Variants in CDK14 observed in about 807,000 individuals in gnomAD.
CDK14 encodes the protein cyclin-dependent kinase 14.
CDK14 carries 34 observed loss-of-function variants against 60.7 expected under a neutral mutation model. The observed-to-expected ratio is 0.56, with a 90% confidence interval of 0.43 to 0.75. The LOEUF (loss-of-function observed/expected upper bound fraction) is 0.75, where lower values mean the gene tolerates loss of function less well. Ranked by LOEUF, CDK14 falls within the 30% of genes least tolerant of loss-of-function variation. The probability of loss-of-function intolerance (pLI) is 0.00; values close to 1 mark genes in which losing one functional copy is unlikely to be tolerated. For synonymous variants in CDK14, 197 were observed against 203.7 expected, an observed-to-expected ratio of 0.97 and a Z score of 0.28; for missense variants, 482 against 564.1, an observed-to-expected ratio of 0.85 and a Z score of 1.47.
intron 14 of CDK14, among the ~76,000 whole-genome samples, chr7:91,143,974 G>A (rs1387452888): frequency 6.6e-6 from 1 of 152,146 alleles, no homozygotes; most frequent in Non-Finnish European, 1.5e-5. Flanking sequence ...TTATCAACTG[G>A]TCTTTTTATT....
intron 9 of CDK14, among the ~76,000 whole-genome samples, chr7:90,976,526 A>G (rs1457796576): frequency 6.8e-6 from 1 of 147,376 alleles, no homozygotes; most frequent in Non-Finnish European, 1.5e-5. Context: ...TGCCTGGCAA[A>G]TTTTTTTTTT....
At chr7:90,886,045 A>T (rs1274355775) in intron 6 of CDK14, among the ~76,000 whole-genome samples, 6 of 152,222 alleles carry the variant, frequency 3.9e-5, no homozygotes, top group Non-Finnish European at 8.8e-5. Flanking sequence ...AATAAATAAA[A>T]AATAATTTTT....
chr7:90,763,167 T>G (rs146550979), intron 4 of CDK14, among the ~76,000 whole-genome samples: 1 of 152,236 alleles, frequency 6.6e-6, no homozygotes, highest in Non-Finnish European at 1.5e-5. Context: ...AGGCAAAAAT[T>G]GATAGAACTG....
chr7:90,946,141 A>G (rs1429491339), intron 8 of CDK14, among the ~76,000 whole-genome samples: 1 of 152,246 alleles, frequency 6.6e-6, no homozygotes, highest in Admixed American at 6.5e-5. Context: ...AGAATATTAT[A>G]GAAGATACAG....
At chr7:91,108,508 C>T (rs1799377233) in intron 12 of CDK14, among the ~76,000 whole-genome samples, 1 of 152,098 alleles carries the variant, frequency 6.6e-6, no homozygotes, top group African/African-American at 2.4e-5. Context: ...TTTTTAATGT[C>T]CTACAGAATT....
chr7:90,704,977 A>G (rs1413084367), intron 2 of CDK14, among the ~76,000 whole-genome samples: 1 of 152,128 alleles, frequency 6.6e-6, no homozygotes, highest in Non-Finnish European at 1.5e-5. Flanking sequence ...AATCAATAAC[A>G]TGAAATTTTA....
chr7:90,752,494 C>T (rs2116828583), intron 4 of CDK14, among the ~76,000 whole-genome samples: 4 of 152,146 alleles, frequency 2.6e-5, no homozygotes, highest in Admixed American at 2.6e-4. Flanking sequence ...ATACCAAAAT[C>T]CTTGGGATAC....
At chr7:90,676,939 A>G (rs1321005932) in intron 2 of CDK14, among the ~76,000 whole-genome samples, 2 of 132,412 alleles carry the variant, frequency 1.5e-5, no homozygotes, top group South Asian at 2.5e-4. Context: ...ATTCAGTTGT[A>G]TATCAAGTTT....
chr7:91,093,626 G>A (rs1220910242), intron 12 of CDK14, among the ~76,000 whole-genome samples: 3 of 152,078 alleles, frequency 2.0e-5, no homozygotes, highest in African/African-American at 7.2e-5. Context: ...ATTTTAGCAA[G>A]CATTTAAAAA....
At chr7:90,768,733 A>G (rs765999779) in intron 4 of CDK14, among the ~76,000 whole-genome samples, 1 of 152,254 alleles carries the variant, frequency 6.6e-6, no homozygotes, top group East Asian at 1.9e-4. Context: ...TAGATTCAAA[A>G]TCTGTGAGTT....
intron 5 of CDK14, among the ~76,000 whole-genome samples, chr7:90,812,130 G>A (rs1789146416): frequency 6.6e-6 from 1 of 152,182 alleles, no homozygotes; most frequent in Admixed American, 6.5e-5. Context: ...TATACCCAAA[G>A]GATTATAAAA....
chr7:90,910,647 T>C (rs1005236703), intron 7 of CDK14, among the ~76,000 whole-genome samples: 1 of 152,232 alleles, frequency 6.6e-6, no homozygotes, highest in African/African-American at 2.4e-5. Flanking sequence ...TTAAATAGTA[T>C]GCTTGCCTTT....
chr7:91,041,875 A>G (rs533434350), intron 10 of CDK14, among the ~76,000 whole-genome samples: 16 of 152,348 alleles, frequency 1.1e-4, no homozygotes, highest in East Asian at 7.7e-4. Flanking sequence ...CAGTCAGTCA[A>G]CATTTACTGG....
chr7:91,164,190 G>A (rs969895406), intron 14 of CDK14, among the ~76,000 whole-genome samples: 14 of 152,186 alleles, frequency 9.2e-5, no homozygotes, highest in Non-Finnish European at 1.9e-4. Context: ...ATAGCTATAT[G>A]ATGTTCATTA....
Position 91,029,517 on chromosome 7 carries a change from C to T in CDK14, c.1042-16380C>T, listed in dbSNP as rs1231636693. ...TTTTTAATCGGTGTTTTATAGTTCT[C>T]CCTGTAGAAAATTTTCATCTCCTTG... On this transcript the variant is annotated intron_variant, in intron 10 of 14. Transcript: ENST00000380050. Among the ~76,000 whole-genome samples the T allele has an allele frequency of 2.7e-5, 4 of 150,686 alleles. No homozygotes were observed. The East Asian group carries it at 7.8e-4, about 29-fold the overall frequency.
chr7:91,154,331 A>G (rs199661059), intron 14 of CDK14, among the ~76,000 whole-genome samples: 1 of 151,862 alleles, frequency 6.6e-6, no homozygotes, highest in Admixed American at 6.6e-5. Context: ...TTGGCCAACC[A>G]TTGAACATTA....
chr7:90,739,088 A>G (rs1372082937), intron 3 of CDK14, among the ~76,000 whole-genome samples: 1 of 152,172 alleles, frequency 6.6e-6, no homozygotes, highest in Non-Finnish European at 1.5e-5. Context: ...CCTATTCCAT[A>G]GGACTGTTGT....
chr7:90,789,018 C>A (rs1805715524), intron 4 of CDK14, among the ~76,000 whole-genome samples: 2 of 152,082 alleles, frequency 1.3e-5, no homozygotes, highest in Admixed American at 6.6e-5. Context: ...CTCCAATATT[C>A]ATCAGAATTG....
At chr7:90,627,507 C>T (rs1799902163) in intron 2 of CDK14, among the ~76,000 whole-genome samples, 2 of 152,166 alleles carry the variant, frequency 1.3e-5, no homozygotes, top group South Asian at 4.1e-4. Context: ...GCCACTGTGC[C>T]CAGCTAGCAC....
Sources: gnomAD v4.1 joint callset for allele counts (sites outside exome capture counted in the v4.1 genomes callset) on GRCh38, gnomAD v4.1.1 for gene constraint, MANE v1.5 for transcripts, NCBI Gene and HGNC (gene_info 2026-07-23, HGNC 2026-07-21) for gene names.